Variants in RORA observed in about 807,000 individuals in gnomAD.
The protein encoded by RORA is RAR related orphan receptor A.
In RORA, 7 loss-of-function variants were observed where a neutral mutation model predicts 69.5. That is an observed-to-expected ratio of 0.10 (90% CI 0.06 to 0.19). The LOEUF is 0.19. Ranked by LOEUF, RORA falls within the 10% of genes least tolerant of loss-of-function variation. The pLI is 1.00. For synonymous variants in RORA, 261 were observed against 240.8 expected, an observed-to-expected ratio of 1.08 and a Z score of -0.78; for missense variants, 457 against 663.0, an observed-to-expected ratio of 0.69 and a Z score of 3.41.
At chr15:61,076,449 T>C (rs2078451117) in intron 1 of RORA, among the ~76,000 whole-genome samples, 1 of 152,160 alleles carries the variant, frequency 6.6e-6, no homozygotes. Context: ...CAGCTCTGTT[T>C]TGGACCCAGT....
chr15:60,601,895 T>C (rs1018777060), intron 2 of RORA, among the ~76,000 whole-genome samples: 23 of 152,098 alleles, frequency 1.5e-4, no homozygotes, highest in African/African-American at 5.3e-4. Flanking sequence ...ACATCTTAAG[T>C]AAAATATTAG....
At chr15:60,515,532 C>T (rs909173730) in intron 3 of RORA, among the ~76,000 whole-genome samples, 3 of 152,070 alleles carry the variant, frequency 2.0e-5, no homozygotes, top group Non-Finnish European at 2.9e-5. Context: ...TTTTTGCTAA[C>T]TTCCTGAGCT....
chr15:60,658,976 ACCCATC>A (rs1295125643), intron 2 of RORA, among the ~76,000 whole-genome samples: 1 of 152,140 alleles, frequency 6.6e-6, no homozygotes, highest in Non-Finnish European at 1.5e-5. Context: ...GAGTATATTG[ACCCATC>A]CCTGACAGAA....
chr15:60,592,358 C>T (rs1280954791), intron 2 of RORA: 2 of 1,397,896 alleles, frequency 1.4e-6, no homozygotes, highest in Non-Finnish European at 1.9e-6. Context: ...CGCCAGCCCA[C>T]CCGGCCCCGG....
intron 1 of RORA, among the ~76,000 whole-genome samples, chr15:61,158,931 G>A (rs951387147): frequency 5.3e-5 from 8 of 152,222 alleles, no homozygotes; most frequent in Non-Finnish European, 1.0e-4. Flanking sequence ...ACCAAGGACA[G>A]AGGATATCAA....
At chr15:60,516,246 T>A (rs1309300303) in intron 3 of RORA, among the ~76,000 whole-genome samples, 1 of 86,594 alleles carries the variant, frequency 1.2e-5, no homozygotes, top group African/African-American at 5.1e-5. Flanking sequence ...TATATATATA[T>A]ATTTATATAT....
chr15:61,138,185 A>T (rs1051418541), intron 1 of RORA, among the ~76,000 whole-genome samples: 2 of 152,346 alleles, frequency 1.3e-5, no homozygotes, highest in Admixed American at 1.3e-4. Flanking sequence ...AATCCAAGAA[A>T]GTGAGAAACA....
At chr15:61,205,353 C>T (rs1011150437) in intron 1 of RORA, among the ~76,000 whole-genome samples, 11 of 152,178 alleles carry the variant, frequency 7.2e-5, no homozygotes, top group Non-Finnish European at 1.6e-4. Flanking sequence ...TTCAAGGGTC[C>T]TGCCGTGTCA....
chr15:61,175,153 C>G (rs1405398225), intron 1 of RORA, among the ~76,000 whole-genome samples: 2 of 152,168 alleles, frequency 1.3e-5, no homozygotes, highest in Non-Finnish European at 2.9e-5. Flanking sequence ...CACATAAGTT[C>G]ACTCTGTCTA....
intron 2 of RORA, among the ~76,000 whole-genome samples, chr15:60,556,677 A>G (rs758606922): frequency 2.0e-5 from 3 of 152,206 alleles, no homozygotes; most frequent in Non-Finnish European, 4.4e-5. Context: ...ACCCTGTTTC[A>G]TGAGTCTATT....
In RORA at chr15:61,131,868, T is replaced by C. The variant is rs1051634050; in HGVS notation, c.166+97185A>G. On this transcript the variant is annotated intron_variant, in intron 1 of 10. Coordinates refer to ENST00000335670, the MANE Select transcript of RORA (RefSeq NM_134261.3). The surrounding 1 kb of genome is among the most constrained non-coding windows in gnomAD (Gnocchi z 4.2). ...GTCATTTCTCCTTTTTTTGGTAAAA[T>C]TTCATACTTGGCAAATAGGAAAAAC... Among the ~76,000 whole-genome samples, 2 of 152,112 alleles carry C rather than the reference T, an allele frequency of 1.3e-5. No homozygotes were observed. The highest frequency in any genetic ancestry group is 4.8e-5 in the African/African-American group (2 of 41,422).
intron 2 of RORA, among the ~76,000 whole-genome samples, chr15:60,560,414 A>G (rs924510915): frequency 2.0e-5 from 3 of 152,074 alleles, no homozygotes; most frequent in African/African-American, 7.2e-5. Flanking sequence ...AACTGTACTC[A>G]GCCAGCTGCC....
chr15:60,959,403 C>T (rs995839119), intron 1 of RORA, among the ~76,000 whole-genome samples: 2 of 152,338 alleles, frequency 1.3e-5, no homozygotes, highest in Non-Finnish European at 2.9e-5. Flanking sequence ...AGTTCAACCA[C>T]GTACCTGATA....
At chr15:60,632,890 G>C (rs1170666617) in intron 2 of RORA, among the ~76,000 whole-genome samples, 2 of 152,072 alleles carry the variant, frequency 1.3e-5, no homozygotes, top group Non-Finnish European at 2.9e-5. Flanking sequence ...GAAAAGAAAA[G>C]GAAATTGGGA....
chr15:60,859,651 C>CTTTTTTTTTTT (rs1208480913), intron 1 of RORA, among the ~76,000 whole-genome samples: 1 of 96,424 alleles, frequency 1.0e-5, no homozygotes, highest in Non-Finnish European at 2.0e-5. Context: ...TTCTTTCTTT[C>CTTTTTTTTTTT]TTTCTTTTTT....
At chr15:60,952,174 A>G (rs1409116891) in intron 1 of RORA, among the ~76,000 whole-genome samples, 1 of 151,482 alleles carries the variant, frequency 6.6e-6, no homozygotes, top group Non-Finnish European at 1.5e-5. Flanking sequence ...ATATAAACAG[A>G]GCCAAAGACA....
At chr15:61,074,003 T>A (rs1201662437) in intron 1 of RORA, among the ~76,000 whole-genome samples, 1 of 152,162 alleles carries the variant, frequency 6.6e-6, no homozygotes, top group Non-Finnish European at 1.5e-5. Flanking sequence ...TGATAAAATG[T>A]GGGGTGGCTC....
At chr15:60,559,111 A>C (rs2067458158) in intron 2 of RORA, among the ~76,000 whole-genome samples, 1 of 152,042 alleles carries the variant, frequency 6.6e-6, no homozygotes, top group East Asian at 1.9e-4. Flanking sequence ...TTAATATTAC[A>C]CATCAAAGTG....
At chr15:60,833,260 G>T (rs55905655) in intron 1 of RORA, among the ~76,000 whole-genome samples, 1,573 of 151,460 alleles carry the variant, frequency 0.01, 31 homozygotes, top group African/African-American at 0.037. Context: ...CTGCTGCCCA[G>T]GCTGGAGTGC....
Sources: allele counts gnomAD v4.1 joint callset (sites outside exome capture counted in the v4.1 genomes callset), GRCh38; gene constraint gnomAD v4.1.1; non-coding constraint Gnocchi (gnomAD v3.1); transcripts MANE v1.5; gene names NCBI Gene and HGNC (gene_info 2026-07-23, HGNC 2026-07-21).